Variants in HDAC9 observed in about 807,000 individuals in gnomAD.
HDAC9 encodes the protein MEF-2 interacting transcription repressor (MITR) protein.
HDAC9 carries 41 observed loss-of-function variants against 139.4 expected under a neutral mutation model. The observed-to-expected ratio is 0.29, with a 90% CI of 0.23 to 0.38. The LOEUF is 0.38. Ranked by LOEUF, HDAC9 falls within the 10% of genes least tolerant of loss-of-function variation. HDAC9 has a pLI of 1.00. For synonymous variants in HDAC9, 517 were observed against 476.2 expected (o/e 1.09, Z -1.12); for missense variants, 1,147 against 1,297.0 (o/e 0.88, Z 1.78).
In HDAC9 at chr7:18,699,436, A is replaced by G. The variant is rs115584568; in HGVS notation, c.1732-28144A>G. ...TGTCGAAATAATGTAGAATACTAGC[A>G]AAACCTGTGAGGCAATTTAATATGT... On this transcript the variant is annotated intron_variant, in intron 12 of 25. Coordinates refer to ENST00000686413, the MANE Select transcript of HDAC9 (RefSeq NM_178425.4). 2.6e-3 allele frequency among the ~76,000 whole-genome samples: 398 copies of G among 152,156 alleles called. 1 individual carries two copies. The highest frequency in any genetic ancestry group is 0.01 in the Middle Eastern group (3 of 294).
At chr7:18,229,971 T>C (rs2128182629) in intron 2 of HDAC9, among the ~76,000 whole-genome samples, 1 of 152,280 alleles carries the variant, frequency 6.6e-6, no homozygotes, top group South Asian at 2.1e-4. Flanking sequence ...TGTCTTGAAC[T>C]TAAATAAGAG....
chr7:18,762,295 C>T lies in HDAC9; in HGVS notation c.2164+18C>T, dbSNP rs779205693. 25 of 1,612,874 alleles carry T rather than the reference C, an allele frequency of 1.6e-5. No homozygotes were observed. Among genetic ancestry groups the T allele is most frequent in the Admixed American group, 3.3e-5 (2 of 59,910 alleles). ...ACTCCTAGGTCTGTACGGGCCTCCA[C>T]TGTACTGGGAACAGCACATTCCAGC... On this transcript the variant is annotated intron_variant, in intron 15 of 25. Coordinates refer to ENST00000686413, the MANE Select transcript of HDAC9 (RefSeq NM_178425.4).
At chr7:18,234,275 C>T (rs1004992641) in intron 2 of HDAC9, among the ~76,000 whole-genome samples, 1 of 152,158 alleles carries the variant, frequency 6.6e-6, no homozygotes, top group Non-Finnish European at 1.5e-5. Context: ...AGTTGGGGAA[C>T]ATAATTGTAT....
At chr7:18,731,247 A>T (rs949620225) in intron 13 of HDAC9, among the ~76,000 whole-genome samples, 5 of 150,298 alleles carry the variant, frequency 3.3e-5, no homozygotes, top group African/African-American at 9.8e-5. Context: ...TTGTATTTGT[A>T]TTTTTTTTTT....
intron 2 of HDAC9, among the ~76,000 whole-genome samples, chr7:18,283,012 C>A (rs1797203771): frequency 1.5e-5 from 2 of 136,296 alleles, no homozygotes; most frequent in Non-Finnish European, 3.3e-5. Flanking sequence ...AACACTCTAA[C>A]CCAGCAAGGG....
intron 2 of HDAC9, among the ~76,000 whole-genome samples, chr7:18,164,986 A>G (rs1273370716): frequency 6.6e-6 from 1 of 152,208 alleles, no homozygotes; most frequent in African/African-American, 2.4e-5. Flanking sequence ...CATAGTTTCT[A>G]TCCTTAGGGA....
chr7:18,397,133 T>C (rs1303377343), intron 1 of HDAC9, among the ~76,000 whole-genome samples: 3 of 152,000 alleles, frequency 2.0e-5, no homozygotes, highest in Non-Finnish European at 4.4e-5. Context: ...ATATAATGGA[T>C]GTGAATGGAA....
intron 1 of HDAC9, among the ~76,000 whole-genome samples, chr7:18,367,198 T>G (rs926499991): frequency 2.0e-5 from 3 of 151,988 alleles, no homozygotes; most frequent in Non-Finnish European, 4.4e-5. Flanking sequence ...AGAAAGCCAT[T>G]GTTAATTCCA....
At chr7:18,243,937 T>C (rs566590342) in intron 2 of HDAC9, among the ~76,000 whole-genome samples, 51 of 152,172 alleles carry the variant, frequency 3.4e-4, no homozygotes, top group African/African-American at 8.7e-4. Flanking sequence ...GATTATGTGA[T>C]AATAGTACTG....
chr7:18,828,746 A>ACTTTGGATCTTCT (rs1278348544), intron 17 of HDAC9, among the ~76,000 whole-genome samples: 8 of 152,186 alleles, frequency 5.3e-5, no homozygotes, highest in African/African-American at 1.9e-4. Context: ...AAGAATTTTC[A>ACTTTGGATCTTCT]CTTTGGATCT....
At chr7:18,189,058 G>T (rs943675414) in intron 2 of HDAC9, among the ~76,000 whole-genome samples, 1 of 152,120 alleles carries the variant, frequency 6.6e-6, no homozygotes, top group African/African-American at 2.4e-5. Flanking sequence ...GTTTATTGCA[G>T]CACTATTTAC....
At chr7:18,990,976 C>T (rs1467093398) in intron 25 of HDAC9, among the ~76,000 whole-genome samples, 8 of 152,248 alleles carry the variant, frequency 5.3e-5, no homozygotes, top group African/African-American at 9.6e-5. Flanking sequence ...CCCGGTACCT[C>T]AGATGGAAAT....
At chr7:18,895,600 T>G (rs1283392587) in intron 22 of HDAC9, among the ~76,000 whole-genome samples, 1 of 152,096 alleles carries the variant, frequency 6.6e-6, no homozygotes, top group East Asian at 1.9e-4. Context: ...ATTAGGTGAG[T>G]GTACTCCTCC....
intron 1 of HDAC9, among the ~76,000 whole-genome samples, chr7:18,317,557 T>C (rs1283346681): frequency 1.3e-5 from 2 of 152,176 alleles, no homozygotes; most frequent in East Asian, 3.9e-4. Context: ...TAGTAGAACC[T>C]ATGACTCACG....
intron 22 of HDAC9, among the ~76,000 whole-genome samples, chr7:18,929,373 G>A (rs1391563974): frequency 6.6e-6 from 1 of 151,656 alleles, no homozygotes; most frequent in African/African-American, 2.4e-5. Context: ...ACCAAACAGA[G>A]GATTTCATTC....
chr7:18,756,823 C>T (rs535084330), intron 14 of HDAC9, among the ~76,000 whole-genome samples: 35 of 152,076 alleles, frequency 2.3e-4, no homozygotes, highest in Admixed American at 1.1e-3. Context: ...GGACCAAAAG[C>T]CTGTTAGGCC....
chr7:18,288,836 C>T (rs1050442346), upstream of HDAC9, among the ~76,000 whole-genome samples: 3 of 151,752 alleles, frequency 2.0e-5, no homozygotes, highest in Non-Finnish European at 4.4e-5. Flanking sequence ...GAAATATGCT[C>T]CAGGATTTCA....
At chr7:18,728,868 C>CT (rs755789763) in intron 13 of HDAC9, among the ~76,000 whole-genome samples, 43 of 152,168 alleles carry the variant, frequency 2.8e-4, no homozygotes, top group Non-Finnish European at 4.6e-4. Flanking sequence ...ATAGAAGTGA[C>CT]TTTTTATAAT....
intron 16 of HDAC9, among the ~76,000 whole-genome samples, chr7:18,772,868 T>G (rs1309299446): frequency 1.3e-5 from 2 of 152,072 alleles, no homozygotes; most frequent in African/African-American, 2.4e-5. Context: ...ATGCATGAAA[T>G]ATTATTAAAG....
Sources: gnomAD v4.1 joint callset for allele counts (sites outside exome capture counted in the v4.1 genomes callset) on GRCh38, gnomAD v4.1.1 for gene constraint, MANE v1.5 for transcripts, NCBI Gene and HGNC (gene_info 2026-07-23, HGNC 2026-07-21) for gene names.